Variants in NAV1 observed in about 807,000 individuals in gnomAD.
The protein encoded by NAV1 is pore membrane and/or filament interacting like protein 3.
In NAV1, 18 loss-of-function variants were observed where a neutral mutation model predicts 175.2. The ratio of observed to expected loss-of-function variants is 0.10; its 90% CI spans 0.07 to 0.15. The LOEUF is 0.15. NAV1 is among the 10% of genes least tolerant of loss of function. NAV1 has a pLI of 1.00. For synonymous variants in NAV1, 897 were observed against 978.7 expected, an observed-to-expected ratio of 0.92 and a Z score of 1.56; for missense variants, 1,731 against 2,436.6, an observed-to-expected ratio of 0.71 and a Z score of 6.10.
At chr1:201,645,729 A>C (rs1371269271), upstream of NAV1, among the ~76,000 whole-genome samples, 1 of 127,538 alleles carries the variant, frequency 7.8e-6, no homozygotes, top group African/African-American at 3.0e-5. Flanking sequence ...GATGGTAGCC[A>C]GTGAATTTCC....
At chr1:201,638,731 T>C (rs891436032) in intron 2 of NAV1, among the ~76,000 whole-genome samples, 4 of 152,212 alleles carry the variant, frequency 2.6e-5, no homozygotes, top group Non-Finnish European at 4.4e-5. Flanking sequence ...TGGGCAAGTG[T>C]ATGTCTCTAT....
chr1:201,555,286 A>T (rs999969034), intron 1 of NAV1, among the ~76,000 whole-genome samples: 2 of 152,238 alleles, frequency 1.3e-5, no homozygotes, highest in Non-Finnish European at 2.9e-5. Context: ...TCATTGTTGC[A>T]GGTAAGGCAA....
chr1:201,662,590 T>G (rs1234131793), intron 1 of NAV1, among the ~76,000 whole-genome samples: 1 of 152,190 alleles, frequency 6.6e-6, no homozygotes, highest in Non-Finnish European at 1.5e-5. Flanking sequence ...CACTTACTCC[T>G]CATCTGTAGA....
At chr1:201,578,231 A>AACCAAT (rs1666748399) in intron 1 of NAV1, among the ~76,000 whole-genome samples, 1 of 152,020 alleles carries the variant, frequency 6.6e-6, no homozygotes, top group African/African-American at 2.4e-5. Flanking sequence ...CTATTGTTCT[A>AACCAAT]TCTTCCAGTT....
chr1:201,780,323 TA>T, intron 3 of NAV1, 97 bp from the exon 8 acceptor site: 1 of 1,453,106 alleles, frequency 6.9e-7, no homozygotes, highest in Non-Finnish European at 9.5e-7. Flanking sequence ...GGCTAGCCTA[TA>T]TACTGGTGCA....
intron 1 of NAV1, among the ~76,000 whole-genome samples, chr1:201,542,992 C>A (rs1665558095): frequency 6.6e-6 from 1 of 152,140 alleles, no homozygotes; most frequent in Non-Finnish European, 1.5e-5. Context: ...TGCAATTTTG[C>A]TGAATTTATT....
intron 2 of NAV1, among the ~76,000 whole-genome samples, chr1:201,591,322 C>G (rs1168297130): frequency 1.1e-4 from 16 of 152,150 alleles, no homozygotes. Flanking sequence ...ATTGTCACCC[C>G]TTAGCAGTGA....
chr1:201,727,590 C>T (rs239990), intron 3 of NAV1, among the ~76,000 whole-genome samples: 355 of 152,308 alleles, frequency 2.3e-3, no homozygotes, highest in Non-Finnish European at 4.0e-3. Context: ...TGTCTTGGGC[C>T]GGGCACCCCC....
At chr1:201,778,064 G>T (rs928713130) in intron 3 of NAV1, among the ~76,000 whole-genome samples, 6 of 152,136 alleles carry the variant, frequency 3.9e-5, no homozygotes, top group African/African-American at 1.4e-4. Context: ...ACTTGCAAAA[G>T]AATTTTGCTA....
intron 2 of NAV1, among the ~76,000 whole-genome samples, chr1:201,639,363 G>A (rs1047146125): frequency 1.3e-5 from 2 of 152,180 alleles, no homozygotes; most frequent in Non-Finnish European, 2.9e-5. Flanking sequence ...ACATCATGGA[G>A]TTCTGGCTTT....
exon 25 of NAV1, chr1:201,811,732 G>A: frequency 6.2e-7 from 1 of 1,607,892 alleles, no homozygotes; most frequent in Non-Finnish European, 8.5e-7. Flanking sequence ...GGTCAATGGG[G>A]CCCTCACCTG....
At chr1:201,695,311 T>C (rs2102427021) in intron 1 of NAV1, among the ~76,000 whole-genome samples, 2 of 152,306 alleles carry the variant, frequency 1.3e-5, no homozygotes, top group Middle Eastern at 3.4e-3. Context: ...AGGGCCTCAC[T>C]TCACCTTTGC....
intron 3 of NAV1, among the ~76,000 whole-genome samples, chr1:201,738,492 G>A (rs1673211536): frequency 6.6e-6 from 1 of 152,118 alleles, no homozygotes; most frequent in Non-Finnish European, 1.5e-5. Flanking sequence ...CAGAGGGGCT[G>A]TACAGTTACC....
chr1:201,669,130 A>G (rs1669942751), intron 1 of NAV1, among the ~76,000 whole-genome samples: 1 of 152,208 alleles, frequency 6.6e-6, no homozygotes, highest in South Asian at 2.1e-4. Flanking sequence ...GGTATCTACT[A>G]TATGCCAGTC....
At chr1:201,723,072 C>T (rs1672456681) in intron 3 of NAV1, among the ~76,000 whole-genome samples, 1 of 152,210 alleles carries the variant, frequency 6.6e-6, no homozygotes, top group South Asian at 2.1e-4. Flanking sequence ...GATTGCACCA[C>T]TGCACTCCAG....
chr1:201,737,265 A>C (rs1673153913), intron 3 of NAV1: 1 of 152,166 alleles, frequency 6.6e-6, no homozygotes, highest in African/African-American at 2.4e-5. Context: ...TTCCCCTATA[A>C]AAGCTCACCA....
chr1:201,702,362 TG>T (rs1279135543), intron 1 of NAV1, among the ~76,000 whole-genome samples: 5 of 152,180 alleles, frequency 3.3e-5, no homozygotes, highest in Non-Finnish European at 7.3e-5. Context: ...ACATTTTATT[TG>T]TTTTTTTTAT....
At chr1:201,564,145 G>A (rs1441555076) in intron 1 of NAV1, among the ~76,000 whole-genome samples, 2 of 151,584 alleles carry the variant, frequency 1.3e-5, no homozygotes, top group Admixed American at 1.3e-4. Context: ...GAGGGAGGAA[G>A]AAAGGAAGGA....
At chr1:201,803,488 G>C in intron 15 of NAV1, 105 bp from the exon 20 acceptor site, 1 of 1,167,908 alleles carries the variant, frequency 8.6e-7, no homozygotes, top group Non-Finnish European at 1.2e-6. Context: ...TGATTGAGGA[G>C]TTGGTTGGTT....
Sources: gnomAD v4.1 joint callset for allele counts (sites outside exome capture counted in the v4.1 genomes callset) on GRCh38, gnomAD v4.1.1 for gene constraint, MANE v1.5 for transcripts, NCBI Gene and HGNC (gene_info 2026-07-23, HGNC 2026-07-21) for gene names.